Variants in CXCR6 observed in about 807,000 individuals in gnomAD.
CXCR6 encodes the protein C-X-C chemokine receptor type 6.
In CXCR6, 3 loss-of-function variants were observed where a neutral mutation model predicts 1.6. The observed-to-expected ratio is 1.83, with a 90% confidence interval of 0.83 to 4.72. The LOEUF (loss-of-function observed/expected upper bound fraction) is 4.72. CXCR6 is among the 30% of genes most tolerant of loss of function. CXCR6 has a pLI of 0.02. For missense variants in CXCR6, 326 were observed against 414.8 expected (o/e 0.79, Z 1.86); for synonymous variants, 171 against 159.2 (o/e 1.07, Z -0.56).
chr3:45,944,200 G>C (rs942975489), intron 1 of CXCR6, among the ~76,000 whole-genome samples: 1 of 150,548 alleles, frequency 6.6e-6, no homozygotes, highest in African/African-American at 2.5e-5. Flanking sequence ...GTGTGTCTGT[G>C]TGTGTGTGTG....
rs772191367 is a variant in CXCR6, at chr3:45,946,825, C to T, written c.344C>T (p.Thr115Met). Residue 115 changes from threonine (T) to methionine (M), a missense_variant, in exon 2 of 2, where the codon ACG becomes ATG. Thr to Met is a moderately conservative substitution (Grantham distance 81). Coordinates refer to ENST00000304552, the MANE Select transcript of CXCR6 (RefSeq NM_006564.2). ...GGCATCTACACTATTAACTTCTACA[C>T]GTCCATGCTCATCCTCACCTGCATC... Reference protein sequence around the residue: ...LLGIYTINFYTSMLILTCITV... With the variant: ...LLGIYTINFYMSMLILTCITV... 4.3e-6 allele frequency: 7 copies of T among 1,614,082 alleles called. No individual in the cohort carries two copies. The highest frequency in any genetic ancestry group is 1.7e-5 in the Admixed American group (1 of 60,010).
chr3:45,946,360 G>A, intron 1 of CXCR6, 101 bp from the exon 2 acceptor site: 1 of 817,582 alleles, frequency 1.2e-6, no homozygotes, highest in Non-Finnish European at 2.0e-6. Flanking sequence ...GGTGGGTTTA[G>A]AAGATGACTA....
At chr3:45,942,240 G>A (rs1230844713), upstream of CXCR6, among the ~76,000 whole-genome samples, 1 of 152,258 alleles carries the variant, frequency 6.6e-6, no homozygotes, top group Admixed American at 6.5e-5. Flanking sequence ...GTGACTGCCA[G>A]GGATGTGTGT....
intron 1 of CXCR6, 67 bp from the exon 2 acceptor site, chr3:45,946,394 G>A: frequency 8.3e-7 from 1 of 1,200,036 alleles, no homozygotes; most frequent in Non-Finnish European, 1.2e-6. Flanking sequence ...TGTGGTCAAT[G>A]GGATAGCAGG....
Position 45,946,574 on chromosome 3 carries a change from G to A in CXCR6, c.93G>A (p.Lys31=). 6.2e-7 allele frequency: 1 copy of A among 1,614,192 alleles called. No individual in the cohort carries two copies. Among genetic ancestry groups the A allele is most frequent in the African/African-American group, 1.3e-5 (1 of 75,032 alleles). ...ATCAAGACTTCCTGCAGTTCAGCAA[G>A]GTCTTTCTGCCCTGCATGTACCTGG... is the stretch of plus-strand genomic sequence containing the variant. The part of the protein sequence containing the change: ...EEHQDFLQFS[K]VFLPCMYLVV... Residue 31 remains lysine (K), a synonymous_variant, in exon 2 of 2, where the codon AAG becomes AAA. Coordinates refer to ENST00000304552, the MANE Select transcript of CXCR6 (RefSeq NM_006564.2).
chr3:45,947,534 T>C lies in CXCR6; in HGVS notation c.*24T>C, dbSNP rs768142545. ...AGGCCTTGCCAGGGTTTCGAGAAGC[T>C]GCTCTGGAATTTGCAAGTCATGGCT... On this transcript the variant is annotated 3_prime_UTR_variant, in exon 2 of 2. Coordinates refer to ENST00000304552, the MANE Select transcript of CXCR6 (RefSeq NM_006564.2). 38 of 1,592,964 alleles carry C rather than the reference T, an allele frequency of 2.4e-5. No individual in the cohort carries two copies. The highest frequency in any genetic ancestry group is 3.3e-5 in the Non-Finnish European group (38 of 1,162,670).
intron 1 of CXCR6, chr3:45,945,019 A>C (rs1032649479): frequency 6.6e-6 from 1 of 152,084 alleles, no homozygotes; most frequent in African/African-American, 2.4e-5. Context: ...AAGGGCAAGG[A>C]TTTTTATTAA....
At chr3:45,943,600 A>C (rs1575342506) in intron 1 of CXCR6, 60 bp downstream of exon 1, 1 of 152,324 alleles carries the variant, frequency 6.6e-6, no homozygotes, top group South Asian at 2.1e-4. Flanking sequence ...AACCCCAGGT[A>C]TTGTTGGTAT....
rs1233240246 is a variant in CXCR6 at position 45,948,136 on chromosome 3, G to GA, written c.*631dup. The GA allele has an allele frequency of 6.0e-6, 1 of 167,342 alleles. No individual in the cohort carries two copies. The highest frequency in any genetic ancestry group is 6.5e-5 in the Admixed American group (1 of 15,308). The allele number at this position is 167,342 out of a possible 1,614,324, so 10.4% of individuals were successfully genotyped here. ...AATTCCAGTGGTCCATGGAATGCTT[G>GA]AAAAATGTGCAAAACAGCGTTTAAG... is the stretch of plus-strand genomic sequence containing the variant. On this transcript the variant is annotated 3_prime_UTR_variant, in exon 2 of 2. Coordinates refer to ENST00000304552, the MANE Select transcript of CXCR6 (RefSeq NM_006564.2).
upstream of CXCR6, among the ~76,000 whole-genome samples, chr3:45,942,151 C>G (rs1704267221): frequency 6.6e-6 from 1 of 152,218 alleles, no homozygotes; most frequent in African/African-American, 2.4e-5. Context: ...GTCTTCAGAT[C>G]TTTTATCAGG....
At position 45,947,614 on chromosome 3, in the gene CXCR6, G is replaced by A. The variant is rs1704713058; in HGVS notation, c.*104G>A. 8.0e-6 allele frequency: 7 copies of A among 879,010 alleles called. No homozygotes were observed. The East Asian group carries it at 1.5e-4, about 19-fold the overall frequency. The allele number at this position is 879,010 out of a possible 1,614,324, so 54.5% of individuals were successfully genotyped here. A position where few individuals can be genotyped will look rare whatever the true frequency, so the allele number is the denominator to read the frequency against. ...TGTTTATAGCTTGCGCATTCTCATG[G>A]AGAAGTTATCAGACACTCTGGCTGG... On this transcript the variant is annotated 3_prime_UTR_variant, in exon 2 of 2. Coordinates refer to ENST00000304552, the MANE Select transcript of CXCR6 (RefSeq NM_006564.2).
In CXCR6 at chr3:45,946,896, A is replaced by G. The variant is rs568571321; in HGVS notation, c.415A>G (p.Asn139Asp). Residue 139 changes from asparagine to aspartate, a missense_variant, in exon 2 of 2, where the codon AAC becomes GAC. Transcript: ENST00000304552. ...IVVVKATKAY[N>D]QQAKRMTWGK... The stretch of plus-strand genomic sequence containing the variant: ...AGTGGTTAAGGCCACCAAGGCCTAC[A>G]ACCAGCAAGCCAAGAGGATGACCTG... 8.1e-6 allele frequency: 13 copies of G among 1,614,234 alleles called. No individual in the cohort carries two copies. The African/African-American group carries it at 1.6e-4, about 20-fold the overall frequency.
intron 1 of CXCR6, among the ~76,000 whole-genome samples, chr3:45,944,656 A>C (rs1575343826): frequency 2.0e-5 from 3 of 152,336 alleles, no homozygotes; most frequent in Non-Finnish European, 4.4e-5. Flanking sequence ...TCCAGGCCCA[A>C]TCTGTTTACC....
At chr3:45,942,508 G>T (rs1704289613), upstream of CXCR6, among the ~76,000 whole-genome samples, 1 of 152,170 alleles carries the variant, frequency 6.6e-6, no homozygotes, top group African/African-American at 2.4e-5. Context: ...CTGAATGGGA[G>T]TGCAGAGCCA....
chr3:45,946,799 G>A lies in CXCR6; in HGVS notation c.318G>A (p.Leu106=). 1 of 1,613,546 alleles carries A rather than the reference G, an allele frequency of 6.2e-7. No individual in the cohort carries two copies. The highest frequency in any genetic ancestry group is 8.5e-7 in the Non-Finnish European group (1 of 1,179,844). The change falls in exon 2 of 2, where the codon CTG becomes CTA. Residue 106 remains leucine (L), a synonymous_variant. Transcript: ENST00000304552. ...VFGQVMCKSL[L]GIYTINFYTS... ...GCCAGGTCATGTGCAAGAGCCTACT[G>A]GGCATCTACACTATTAACTTCTACA... is the stretch of plus-strand genomic sequence containing the variant.
At chr3:45,942,457 C>G (rs1704285863), upstream of CXCR6, among the ~76,000 whole-genome samples, 1 of 152,170 alleles carries the variant, frequency 6.6e-6, no homozygotes, top group Non-Finnish European at 1.5e-5. Flanking sequence ...GAAGGTTTGC[C>G]TAGCAGGTGG....
In CXCR6 at chr3:45,947,923, AGT is replaced by A. The variant is rs981820853; in HGVS notation, c.*416_*417del. The A allele has an allele frequency of 4.7e-6, 1 of 211,606 alleles. No homozygotes were observed. Among genetic ancestry groups the A allele is most frequent in the Non-Finnish European group, 1.1e-5 (1 of 95,086 alleles). 13.1% of individuals were successfully genotyped at this position (211,606 alleles called of 1,614,324 possible). Reference sequence around the variant, plus strand: ...AGGCTCTTCTGACTACTGGGCAAAGAGTGTAGATCAGAGCAGCAGTGAAAACA... The same window carrying A: ...AGGCTCTTCTGACTACTGGGCAAAGAGTAGATCAGAGCAGCAGTGAAAACA... On this transcript the variant is annotated 3_prime_UTR_variant, in exon 2 of 2. Coordinates refer to ENST00000304552, the MANE Select transcript of CXCR6 (RefSeq NM_006564.2).
chr3:45,946,450 CTG>C lies in CXCR6; in HGVS notation c.-21-10_-21-9del, dbSNP rs1704611896. 4 of 1,576,206 alleles carry C rather than the reference CTG, an allele frequency of 2.5e-6. No individual in the cohort carries two copies. The African/African-American group carries it at 5.4e-5, about 21-fold the overall frequency. On this transcript the variant is annotated splice_polypyrimidine_tract_variant and intron_variant, in intron 1 of 1. Transcript: ENST00000304552. ...CAGCCCCAAATATAATTCCTGGGTT[CTG>C]ACTCACAGGTGTTCATCAGAACAGA...
chr3:45,942,344 G>A (rs963301479), upstream of CXCR6, among the ~76,000 whole-genome samples: 1 of 152,194 alleles, frequency 6.6e-6, no homozygotes, highest in African/African-American at 2.4e-5. Flanking sequence ...TCCAGCATAG[G>A]GCCAGGCTTG....
Sources: allele counts gnomAD v4.1 joint callset (sites outside exome capture counted in the v4.1 genomes callset), GRCh38; gene constraint gnomAD v4.1.1; transcripts MANE v1.5; gene names NCBI Gene and HGNC (gene_info 2026-07-23, HGNC 2026-07-21).